CFAP91: variants seen among roughly 807,000 people sequenced by gnomAD.
CFAP91 encodes cilia and flagella associated protein 91, also known as cilia- and flagella-associated protein 91.
In CFAP91, 85 loss-of-function variants were observed where a neutral mutation model predicts 95.9. That is an observed-to-expected ratio of 0.89 (90% CI 0.74 to 1.06). The LOEUF (loss-of-function observed/expected upper bound fraction) is 1.06. Among genes scored for constraint, CFAP91 ranks in the 50% least tolerant of loss-of-function variants. The pLI is 0.00. For synonymous variants in CFAP91, 335 were observed against 327.5 expected (o/e 1.02, Z -0.25); for missense variants, 962 against 943.4 (o/e 1.02, Z -0.26).
chr3:119,720,779 G>A (rs1368252355), intron 6 of CFAP91, among the ~76,000 whole-genome samples: 5 of 152,084 alleles, frequency 3.3e-5, no homozygotes, highest in African/African-American at 4.8e-5. Flanking sequence ...TTTTGGATGC[G>A]CAAGTCTCTT....
At chr3:119,760,511 T>C (rs895747902) in intron 17 of CFAP91, among the ~76,000 whole-genome samples, 19 of 151,750 alleles carry the variant, frequency 1.3e-4, no homozygotes, top group African/African-American at 4.1e-4. Flanking sequence ...AACATCAGAC[T>C]TACACTACAC....
At chr3:119,720,407 A>G (rs1192075025) in intron 6 of CFAP91, among the ~76,000 whole-genome samples, 1 of 139,320 alleles carries the variant, frequency 7.2e-6, no homozygotes, top group Non-Finnish European at 1.5e-5. Flanking sequence ...AAAAAAAAAA[A>G]AAGAAAAGAA....
Position 119,730,333 on chromosome 3 carries a change from G to T in CFAP91, c.974G>T (p.Gly325Val), listed in dbSNP as rs267599558. ...LNARWSKLQE[G>V]KEAKMAKIQR... ...GCCCGGTGGTCTAAACTGCAGGAGG[G>T]AAAAGAGGCAAAAATGGCAAAAATT... Residue 325 changes from glycine to valine, a missense_variant, in exon 8 of 18, where the codon GGA (glycine) becomes GTA (valine). Physicochemically the swap from Gly to Val is moderately radical, Grantham distance 109. Transcript: ENST00000273390. The T allele has an allele frequency of 1.2e-6, 2 of 1,613,896 alleles. No homozygotes were observed. The highest frequency in any genetic ancestry group is 1.7e-6 in the Non-Finnish European group (2 of 1,179,986).
chr3:119,750,740 T>C, intron 16 of CFAP91, 197 bp from the exon 17 acceptor site: 1 of 587,886 alleles, frequency 1.7e-6, no homozygotes, highest in Non-Finnish European at 3.0e-6. Context: ...AGGAGTGGAA[T>C]GGAGGCAAGC....
intron 3 of CFAP91, 40 bp downstream of exon 3, chr3:119,707,601 T>G: frequency 6.7e-7 from 1 of 1,501,016 alleles, no homozygotes; most frequent in Non-Finnish European, 9.0e-7. Context: ...ATAAATGCAT[T>G]AAAAGCATTT....
At chr3:119,741,090 G>A (rs1056221081) in intron 13 of CFAP91, among the ~76,000 whole-genome samples, 4 of 152,172 alleles carry the variant, frequency 2.6e-5, no homozygotes, top group Admixed American at 6.5e-5. Context: ...GACCTCAGGT[G>A]ATCCGCCTGC....
intron 17 of CFAP91, among the ~76,000 whole-genome samples, chr3:119,753,880 CTTTAAAAT>C (rs1272497613): frequency 6.6e-6 from 1 of 152,230 alleles, no homozygotes; most frequent in Non-Finnish European, 1.5e-5. Flanking sequence ...TAGACACAGT[CTTTAAAAT>C]AACTATGTTG....
chr3:119,739,958 C>T (rs1275098471), intron 12 of CFAP91, among the ~76,000 whole-genome samples: 2 of 152,142 alleles, frequency 1.3e-5, no homozygotes, highest in African/African-American at 4.8e-5. Context: ...ATTTGTGTTG[C>T]TGGAGCAGGC....
At position 119,715,645 on chromosome 3, in the gene CFAP91, A is replaced by T. The variant is rs2053560160; in HGVS notation, c.584A>T (p.Tyr195Phe). ...TCTACTGTGGGCACTCAGACTGATT[A>T]TCGGGATGCTGACGTTCAAACAGAT... The part of the protein sequence containing the change: ...SKSTVGTQTD[Y>F]RDADVQTDPY... The change falls in exon 6 of 18, where the codon TAT (tyrosine) becomes TTT (phenylalanine). Residue 195 changes from tyrosine (Y) to phenylalanine (F), a missense_variant. Physicochemically the swap from Tyr to Phe is conservative, Grantham distance 22. Transcript: ENST00000273390. The T allele has an allele frequency of 6.2e-7, 1 of 1,613,360 alleles. No individual in the cohort carries two copies. Among genetic ancestry groups the T allele is most frequent in the Admixed American group, 1.7e-5 (1 of 59,996 alleles).
chr3:119,712,708 A>G (rs2053494233), intron 5 of CFAP91, among the ~76,000 whole-genome samples: 1 of 152,126 alleles, frequency 6.6e-6, no homozygotes, highest in South Asian at 2.1e-4. Context: ...TAATCTCAGC[A>G]CTTTGGAAGG....
intron 1 of CFAP91, among the ~76,000 whole-genome samples, chr3:119,705,657 G>A (rs778132250): frequency 3.9e-5 from 6 of 152,098 alleles, no homozygotes; most frequent in African/African-American, 7.2e-5. Context: ...TTCCTTACCC[G>A]ATTTCTTCTT....
At chr3:119,738,330 G>GTTTTTTTTTTTTTTTT (rs1559761130) in intron 11 of CFAP91, among the ~76,000 whole-genome samples, 9 of 23,702 alleles carry the variant, frequency 3.8e-4, no homozygotes, top group Non-Finnish European at 1.1e-3. Context: ...TTGACATATT[G>GTTTTTTTTTTTTTTTT]TCTTTTTTTT....
chr3:119,725,330 A>G (rs2053761962), intron 6 of CFAP91, among the ~76,000 whole-genome samples: 1 of 152,246 alleles, frequency 6.6e-6, no homozygotes, highest in Admixed American at 6.5e-5. Context: ...TGCCTGACCT[A>G]CAGGTATTGT....
chr3:119,748,015 A>C (rs1167258624), intron 16 of CFAP91, 113 bp downstream of exon 16: 1 of 789,722 alleles, frequency 1.3e-6, no homozygotes, highest in Non-Finnish European at 2.0e-6. Context: ...AAGGAGGATC[A>C]CTGAGTTTTC....
At position 119,724,258 on chromosome 3, in the gene CFAP91, G is replaced by T. The variant is rs141620477; in HGVS notation, c.683-1913G>T. ...TTATAATTCATAGACACATAAATTT[G>T]TATATAAAATGTTAAGATTGAATAG... On this transcript the variant is annotated intron_variant, in intron 6 of 17. Transcript: ENST00000273390. Among the ~76,000 whole-genome samples the T allele has an allele frequency of 6.1e-3, 918 of 151,700 alleles. 7 individuals are homozygous for T. The highest frequency in any genetic ancestry group is 0.014 in the Middle Eastern group (4 of 292).
chr3:119,757,004 A>G (rs1366247490), intron 17 of CFAP91, among the ~76,000 whole-genome samples: 1 of 152,212 alleles, frequency 6.6e-6, no homozygotes, highest in African/African-American at 2.4e-5. Context: ...TGCTTGCAGG[A>G]AGCCTATATA....
rs574397657 is a variant in CFAP91, at chr3:119,706,965, A to C, written c.201+80A>C. On this transcript the variant is annotated intron_variant, in intron 2 of 17. Transcript: ENST00000273390. ...CCTGACTGCATTGATCAGATTGACT[A>C]ATCACCAAATCTTCACTGGATTTTA... 5.9e-5 allele frequency: 63 copies of C among 1,059,942 alleles called. No homozygotes were observed. In the African/African-American group the frequency reaches 9.3e-4, roughly 16 times the overall value. 65.7% of individuals were successfully genotyped at this position (1,059,942 alleles called of 1,614,324 possible).
chr3:119,737,379 A>C lies in CFAP91; in HGVS notation c.1358A>C (p.Lys453Thr). The C allele has an allele frequency of 6.3e-7, 1 of 1,587,630 alleles. No individual in the cohort carries two copies. Among genetic ancestry groups the C allele is most frequent in the Non-Finnish European group, 8.6e-7 (1 of 1,166,618 alleles). ...GCATTATTTCAGGCACTGTTGGATA[A>C]GAAGAATAAAGTTCTTGAAGTAAAG... is the stretch of plus-strand genomic sequence containing the variant. ...LAEVHKALLD[K>T]KNKVLEVKKP... Residue 453 changes from lysine (K) to threonine (T), a missense_variant, in exon 11 of 18, where the codon AAG becomes ACG. By Grantham distance (78) the Lys-to-Thr change is moderately conservative (BLOSUM62 -1). Coordinates refer to ENST00000273390, the MANE Select transcript of CFAP91 (RefSeq NM_033364.4).
At chr3:119,760,585 A>G (rs1045666210) in intron 17 of CFAP91, among the ~76,000 whole-genome samples, 11 of 151,864 alleles carry the variant, frequency 7.2e-5, no homozygotes, top group African/African-American at 2.7e-4. Flanking sequence ...CAGAATACAC[A>G]TTCTTCTCAA....
Sources: allele counts gnomAD v4.1 joint callset (sites outside exome capture counted in the v4.1 genomes callset), GRCh38; gene constraint gnomAD v4.1.1; transcripts MANE v1.5; gene names NCBI Gene and HGNC (gene_info 2026-07-23, HGNC 2026-07-21).